Variants in PTPRD observed in about 807,000 individuals in gnomAD.
PTPRD encodes the protein receptor-type tyrosine-protein phosphatase delta.
A neutral mutation model predicts 214.5 loss-of-function variants in PTPRD; 34 were observed. The ratio of observed to expected loss-of-function variants is 0.16; its 90% CI spans 0.12 to 0.21. PTPRD has a LOEUF of 0.21. Among genes scored for constraint, PTPRD ranks in the 10% least tolerant of loss-of-function variants. The pLI is 1.00. For synonymous variants in PTPRD, 1,128 were observed against 845.7 expected (o/e 1.33, Z -5.79); for missense variants, 2,545 against 2,398.7 (o/e 1.06, Z -1.27).
intron 2 of PTPRD, among the ~76,000 whole-genome samples, chr9:10,348,686 G>A (rs191695167): frequency 2.0e-4 from 31 of 152,214 alleles, no homozygotes; most frequent in African/African-American, 7.0e-4. Context: ...ATCTTGTAAA[G>A]TTTTTCTAAT....
intron 3 of PTPRD, among the ~76,000 whole-genome samples, chr9:10,182,526 A>G (rs1021471405): frequency 9.2e-5 from 14 of 152,070 alleles, no homozygotes; most frequent in African/African-American, 3.4e-4. Context: ...TTTATCAGTA[A>G]TATCTCTAAG....
chr9:10,260,022 A>C (rs759643560), intron 3 of PTPRD, among the ~76,000 whole-genome samples: 19 of 152,204 alleles, frequency 1.2e-4, no homozygotes, highest in Non-Finnish European at 2.6e-4. Flanking sequence ...GCCTCCGGCT[A>C]GTCCTTTGTG....
chr9:8,821,439 C>T (rs1212383183), intron 11 of PTPRD, among the ~76,000 whole-genome samples: 1 of 152,218 alleles, frequency 6.6e-6, no homozygotes, highest in Admixed American at 6.5e-5. Flanking sequence ...TTCAAGGTAA[C>T]TTCTACTGCG....
At chr9:9,705,088 T>C (rs1426042027) in intron 7 of PTPRD, among the ~76,000 whole-genome samples, 1 of 152,220 alleles carries the variant, frequency 6.6e-6, no homozygotes, top group African/African-American at 2.4e-5. Context: ...GAGCATTTTC[T>C]AGCACTACAC....
intron 2 of PTPRD, among the ~76,000 whole-genome samples, chr9:10,538,328 A>G (rs1264472201): frequency 6.6e-6 from 1 of 151,712 alleles, no homozygotes; most frequent in Non-Finnish European, 1.5e-5. Context: ...GTAAAGAAAG[A>G]GATGATGAAG....
chr9:8,335,318 G>A (rs1352082455), intron 43 of PTPRD, among the ~76,000 whole-genome samples: 2 of 151,842 alleles, frequency 1.3e-5, no homozygotes, highest in Admixed American at 1.3e-4. Context: ...TTCATCCCTG[G>A]GATGCAAGGC....
intron 11 of PTPRD, among the ~76,000 whole-genome samples, chr9:8,833,082 T>C (rs901401738): frequency 1.3e-5 from 2 of 152,128 alleles, no homozygotes; most frequent in Admixed American, 1.3e-4. Flanking sequence ...AATAACAGCA[T>C]TGGCACATCC....
At chr9:9,652,392 T>A (rs1248513674) in intron 7 of PTPRD, among the ~76,000 whole-genome samples, 1 of 152,200 alleles carries the variant, frequency 6.6e-6, no homozygotes, top group African/African-American at 2.4e-5. Context: ...TTAGTTTTTA[T>A]AACCTTATCT....
intron 11 of PTPRD, among the ~76,000 whole-genome samples, chr9:8,741,424 C>CAA (rs2091891313): frequency 6.6e-6 from 1 of 152,078 alleles, no homozygotes; most frequent in African/African-American, 2.4e-5. Flanking sequence ...GCCGTTGGAA[C>CAA]TCTAATATTT....
chr9:9,281,365 A>T (rs530896533), intron 9 of PTPRD, among the ~76,000 whole-genome samples: 2 of 151,508 alleles, frequency 1.3e-5, no homozygotes, highest in Admixed American at 1.3e-4. Flanking sequence ...AAAGACTGTT[A>T]TTCAAAATAT....
intron 12 of PTPRD, among the ~76,000 whole-genome samples, chr9:8,684,755 T>A (rs781286207): frequency 3.2e-4 from 48 of 152,320 alleles, no homozygotes; most frequent in Middle Eastern, 3.4e-3. Flanking sequence ...TGCTGTGTTT[T>A]GATTTTAAGG....
At chr9:10,543,475 TATATACACACACACAC>T (rs2059564253) in intron 2 of PTPRD, among the ~76,000 whole-genome samples, 1 of 104,262 alleles carries the variant, frequency 9.6e-6, no homozygotes, top group Non-Finnish European at 2.1e-5. Context: ...TTAATATATA[TATATACACACACACAC>T]ACACACACAC....
rs1030064414 is a variant in PTPRD, at chr9:8,529,960, C to T, written c.353-1181G>A. 5.1e-4 allele frequency among the ~76,000 whole-genome samples: 78 copies of T among 152,218 alleles called. 2 individuals are homozygous for T. The highest frequency in any genetic ancestry group is 9.6e-5 in the African/African-American group (4 of 41,564). On this transcript the variant is annotated intron_variant, in intron 14 of 45. Coordinates refer to ENST00000381196, the MANE Select transcript of PTPRD (RefSeq NM_002839.4). ...CATTGATTTAATCAATACCCCCTCA[C>T]GGCCACTGATAAATTTTCATAAGCC...
intron 6 of PTPRD, among the ~76,000 whole-genome samples, chr9:9,747,632 C>T (rs1388964966): frequency 6.6e-6 from 1 of 151,018 alleles, no homozygotes; most frequent in East Asian, 2.0e-4. Context: ...CTGCAACCTT[C>T]GTCTCGCAGG....
chr9:9,060,648 GA>G (rs2099705416), intron 10 of PTPRD, among the ~76,000 whole-genome samples: 1 of 151,752 alleles, frequency 6.6e-6, no homozygotes, highest in Admixed American at 6.6e-5. Context: ...GAATAACTTA[GA>G]AAAAAGCCAA....
chr9:9,858,573 C>T (rs74435529), intron 5 of PTPRD, among the ~76,000 whole-genome samples: 2,571 of 152,224 alleles, frequency 0.017, 63 homozygotes, highest in African/African-American at 0.057. Context: ...AATAATTGCA[C>T]GCAGATGACT....
chr9:10,227,974 T>C (rs970300711), intron 3 of PTPRD, among the ~76,000 whole-genome samples: 1 of 151,996 alleles, frequency 6.6e-6, no homozygotes, highest in Non-Finnish European at 1.5e-5. Context: ...CCTAGAAATT[T>C]TTCTTGTTAA....
At chr9:10,578,811 G>C (rs915325409) in intron 2 of PTPRD, among the ~76,000 whole-genome samples, 2 of 151,926 alleles carry the variant, frequency 1.3e-5, no homozygotes, top group Non-Finnish European at 2.9e-5. Flanking sequence ...AGAGGTTTGG[G>C]GTACAAACAA....
intron 11 of PTPRD, among the ~76,000 whole-genome samples, chr9:8,991,445 T>A (rs1024852721): frequency 2.0e-5 from 3 of 152,092 alleles, no homozygotes; most frequent in African/African-American, 7.2e-5. Context: ...AATAAATCCC[T>A]TGCCTTATTT....
Sources: gnomAD v4.1 joint callset for allele counts (sites outside exome capture counted in the v4.1 genomes callset) on GRCh38, gnomAD v4.1.1 for gene constraint, MANE v1.5 for transcripts, NCBI Gene and HGNC (gene_info 2026-07-23, HGNC 2026-07-21) for gene names.